KIF1A: variants seen among roughly 807,000 people sequenced by gnomAD.
KIF1A encodes the protein kinesin family member 1A, also known as kinesin-like protein KIF1A.
KIF1A carries 46 observed loss-of-function variants against 227.3 expected under a neutral mutation model. The observed-to-expected ratio is 0.20, with a 90% CI of 0.16 to 0.26. The LOEUF is 0.26. Among genes scored for constraint, KIF1A ranks in the 10% least tolerant of loss-of-function variants. KIF1A has a pLI of 1.00. For missense variants in KIF1A, 1,683 were observed against 2,485.9 expected (o/e 0.68, Z 6.87); for synonymous variants, 1,022 against 1,012.8 (o/e 1.01, Z -0.17).
chr2:240,788,014 C>G lies in KIF1A; in HGVS notation c.363+37G>C, dbSNP rs1208176952. On this transcript the variant is annotated intron_variant, in intron 4 of 48. Coordinates refer to ENST00000498729, the MANE Select transcript of KIF1A (RefSeq NM_001244008.2). This position sits in a 1 kb window ranked among gnomAD's most constrained non-coding sequence, Gnocchi z 6.6. ...TCAGCCTCAGCTGGTCCCGCCCCAT[C>G]TGCCAGGGCTGCCCCCGCCCGCCCC... The G allele has an allele frequency of 6.6e-7, 1 of 1,524,866 alleles. No homozygotes were observed. Among genetic ancestry groups the G allele is most frequent in the Non-Finnish European group, 8.9e-7 (1 of 1,126,866 alleles). 94.5% of individuals were successfully genotyped at this position (1,524,866 alleles called of 1,614,324 possible).
At chr2:240,764,048 C>T (rs1353652116) in intron 20 of KIF1A, among the ~76,000 whole-genome samples, 1 of 152,204 alleles carries the variant, frequency 6.6e-6, no homozygotes, top group African/African-American at 2.4e-5. Flanking sequence ...GACAGTCCTG[C>T]CTGCAGGGGC....
chr2:240,781,375 CCA>C (rs1308517657), intron 10 of KIF1A, among the ~76,000 whole-genome samples: 1 of 8,724 alleles, frequency 1.1e-4, no homozygotes, highest in Admixed American at 1.0e-3. Flanking sequence ...ACACAGCTCC[CCA>C]CACACACACA....
Position 240,760,909 on chromosome 2 carries a change from G to C in KIF1A, c.2266-66C>G, listed in dbSNP as rs2050436950. 2.8e-6 allele frequency: 4 copies of C among 1,451,124 alleles called. No individual in the cohort carries two copies. In the Admixed American group the frequency reaches 7.1e-5, roughly 26 times the overall value. The allele number at this position is 1,451,124 out of a possible 1,614,324, so 89.9% of individuals were successfully genotyped here. On this transcript the variant is annotated intron_variant, in intron 24 of 48. Transcript: ENST00000498729. ...GACAGGGTGCCAGGTCCCCAAAAAG[G>C]CTTCCTTCCCACCTTCTGGAGATTT...
Position 240,789,164 on chromosome 2 carries a change from T to G in KIF1A, c.183+72A>C, listed in dbSNP as rs1263477827. 1.6e-6 allele frequency: 2 copies of G among 1,255,930 alleles called. No individual in the cohort carries two copies. Among genetic ancestry groups the G allele is most frequent in the Non-Finnish European group, 2.3e-6 (2 of 858,680 alleles). 77.8% of individuals were successfully genotyped at this position (1,255,930 alleles called of 1,614,324 possible). ...AGAGGAATGAGCGGCTCAGAGAAGTTGAGGGACCCCGAGGGCCACATGGCC... is the reference window on the plus strand; with the variant it reads ...AGAGGAATGAGCGGCTCAGAGAAGTGGAGGGACCCCGAGGGCCACATGGCC... On this transcript the variant is annotated intron_variant, in intron 3 of 48. Coordinates refer to ENST00000498729, the MANE Select transcript of KIF1A (RefSeq NM_001244008.2). This position sits in a 1 kb window ranked among gnomAD's most constrained non-coding sequence, Gnocchi z 4.8.
chr2:240,814,320 G>T (rs1321868602), intron 1 of KIF1A, among the ~76,000 whole-genome samples: 1 of 152,146 alleles, frequency 6.6e-6, no homozygotes, highest in East Asian at 1.9e-4. Flanking sequence ...AACAAAGCCT[G>T]CTCATAAGTG....
chr2:240,717,753 CAGAG>C (rs2044731947), intron 48 of KIF1A, among the ~76,000 whole-genome samples: 4 of 152,230 alleles, frequency 2.6e-5, no homozygotes, highest in Admixed American at 1.3e-4. Context: ...AGCCACAACT[CAGAG>C]GGAGCATTAA....
Position 240,788,041 on chromosome 2 carries a change from C to CCCCGGCGGGCGGG in KIF1A, c.363+9_363+10insCCCGCCCGCCGGG. On this transcript the variant is annotated intron_variant, in intron 4 of 48. Transcript: ENST00000498729. The surrounding 1 kb of genome is among the most constrained non-coding windows in gnomAD (Gnocchi z 6.6). Reference sequence around the variant, plus strand: ...GCCAGGGCTGCCCCCGCCCGCCCCCCGCTTCGTGCCTGTGGGATGATGCCC... The same window carrying CCCCGGCGGGCGGG: ...GCCAGGGCTGCCCCCGCCCGCCCCCCCCCGGCGGGCGGGGCTTCGTGCCTGTGGGATGATGCCC... The CCCCGGCGGGCGGG allele has an allele frequency of 6.6e-7, 1 of 1,520,688 alleles. No homozygotes were observed. The highest frequency in any genetic ancestry group is 8.9e-7 in the Non-Finnish European group (1 of 1,121,320). The allele number at this position is 1,520,688 out of a possible 1,614,324, so 94.2% of individuals were successfully genotyped here. A position where few individuals can be genotyped will look rare whatever the true frequency, so the allele number is the denominator to read the frequency against.
chr2:240,753,160 T>C (rs1575575439), intron 27 of KIF1A, among the ~76,000 whole-genome samples: 1 of 152,328 alleles, frequency 6.6e-6, no homozygotes, highest in East Asian at 1.9e-4. Context: ...CTTCTGCACC[T>C]GAGCTAGAGA....
rs764511826 is a variant in KIF1A, at chr2:240,744,041, T to C, written c.3485A>G (p.Lys1162Arg). ...HVQNIAVEVT[K>R]SFIEYIKSQP... Reference sequence around the variant, plus strand: ...GCTCTTGATGTACTCAATGAAGGACTTGGTCACCTCCACTGCGATCTGGTG... The same window carrying C: ...GCTCTTGATGTACTCAATGAAGGACCTGGTCACCTCCACTGCGATCTGGTG... Residue 1162 changes from lysine (K) to arginine (R), a missense_variant, in exon 33 of 49, where the codon AAG (lysine) becomes AGG (arginine). Physicochemically the swap from Lys to Arg is conservative, Grantham distance 26. Around this residue, in one of 12 missense-constraint regions of KIF1A, gnomAD observed 759 missense variants for 1,020.2 expected, o/e 0.74. Transcript: ENST00000498729. 1.2e-6 allele frequency: 2 copies of C among 1,613,422 alleles called. No homozygotes were observed. Among genetic ancestry groups the C allele is most frequent in the South Asian group, 1.1e-5 (1 of 91,062 alleles).
chr2:240,776,059 G>T, intron 10 of KIF1A, 133 bp from the exon 11 acceptor site: 1 of 689,098 alleles, frequency 1.5e-6, no homozygotes, highest in South Asian at 1.6e-5. Context: ...CGCTCTGCTG[G>T]ACACATTCTC....
At chr2:240,780,456 C>A (rs1318946229) in intron 10 of KIF1A, among the ~76,000 whole-genome samples, 1 of 152,108 alleles carries the variant, frequency 6.6e-6, no homozygotes, top group East Asian at 1.9e-4. Flanking sequence ...CAGTCACATT[C>A]AGTTTCTCAC....
chr2:240,737,755 A>AAACTG (rs1461350576), intron 37 of KIF1A, among the ~76,000 whole-genome samples: 1 of 152,162 alleles, frequency 6.6e-6, no homozygotes, highest in Non-Finnish European at 1.5e-5. Flanking sequence ...TCAGGCAGGA[A>AAACTG]AACTGTCTAG....
Position 240,775,742 on chromosome 2 carries a change from G to C in KIF1A, c.958+109C>G. 1.3e-6 allele frequency: 1 copy of C among 759,476 alleles called. No homozygotes were observed. The allele number at this position is 759,476 out of a possible 1,614,324, so 47.0% of individuals were successfully genotyped here. On this transcript the variant is annotated intron_variant, in intron 11 of 48. Coordinates refer to ENST00000498729, the MANE Select transcript of KIF1A (RefSeq NM_001244008.2). The surrounding 1 kb of genome is among the most constrained non-coding windows in gnomAD (Gnocchi z 5.5). The stretch of plus-strand genomic sequence containing the variant: ...AGGTTCACCTCCCAGCCTCAGCCCA[G>C]AAAGGGTGAGAGGCCTGCTGGCGAC...
chr2:240,788,245 A>G lies in KIF1A; in HGVS notation c.184-15T>C, dbSNP rs754730159. On this transcript the variant is annotated splice_polypyrimidine_tract_variant and intron_variant, in intron 3 of 48. Coordinates refer to ENST00000498729, the MANE Select transcript of KIF1A (RefSeq NM_001244008.2). This position sits in a 1 kb window ranked among gnomAD's most constrained non-coding sequence, Gnocchi z 6.6. ...ATGTCCTCAGGCTGGAGGACGAGGA[A>G]GGAATGAAGTTGCAGGAGGCTGGGT... is the stretch of plus-strand genomic sequence containing the variant. 23 of 1,612,886 alleles carry G rather than the reference A, an allele frequency of 1.4e-5. No homozygotes were observed. The highest frequency in any genetic ancestry group is 1.9e-5 in the Non-Finnish European group (23 of 1,179,538).
At chr2:240,807,614 A>C (rs555379873) in intron 1 of KIF1A, among the ~76,000 whole-genome samples, 1 of 152,322 alleles carries the variant, frequency 6.6e-6, no homozygotes, top group South Asian at 2.1e-4. Context: ...AAAAATTTTG[A>C]TCTGGTTGAA....
intron 1 of KIF1A, among the ~76,000 whole-genome samples, chr2:240,817,446 G>A (rs1345378977): frequency 2.0e-5 from 3 of 152,184 alleles, no homozygotes; most frequent in South Asian, 2.1e-4. Context: ...AGACAACCAC[G>A]TGCTCATCCT....
chr2:240,780,547 G>A (rs571983569), intron 10 of KIF1A, among the ~76,000 whole-genome samples: 2 of 152,026 alleles, frequency 1.3e-5, no homozygotes, highest in African/African-American at 2.4e-5. Context: ...AGCTCTGCAC[G>A]GTTCCCTCAC....
At chr2:240,810,542 A>G (rs2057785576) in intron 1 of KIF1A, among the ~76,000 whole-genome samples, 1 of 152,210 alleles carries the variant, frequency 6.6e-6, no homozygotes, top group South Asian at 2.1e-4. Flanking sequence ...CTTGTGCCCC[A>G]GCAACTCTGC....
chr2:240,795,391 T>G (rs890062537), intron 2 of KIF1A, among the ~76,000 whole-genome samples: 3 of 152,206 alleles, frequency 2.0e-5, no homozygotes, highest in Non-Finnish European at 4.4e-5. Context: ...GGCCTCTGGC[T>G]CCTAAGCCGT....
Sources: allele counts gnomAD v4.1 joint callset (sites outside exome capture counted in the v4.1 genomes callset), GRCh38; gene constraint gnomAD v4.1.1; regional missense constraint gnomAD v4.1.1; non-coding constraint Gnocchi (gnomAD v3.1); transcripts MANE v1.5; gene names NCBI Gene and HGNC (gene_info 2026-07-23, HGNC 2026-07-21).